The following RAB3IP variants were observed in gnomAD, a reference collection of about 807,000 sequenced individuals.
RAB3IP encodes the protein RAB3A interacting protein.
RAB3IP carries 36 observed loss-of-function variants against 59.1 expected under a neutral mutation model. The observed-to-expected ratio is 0.61, with a 90% CI of 0.47 to 0.80. RAB3IP has a LOEUF of 0.80. Among genes scored for constraint, RAB3IP ranks in the 30% least tolerant of loss-of-function variants. The pLI, the probability that RAB3IP is intolerant of heterozygous loss-of-function variation, is 0.00. For missense variants in RAB3IP, 511 were observed against 536.0 expected (o/e 0.95, Z 0.46); for synonymous variants, 207 against 191.2 (o/e 1.08, Z -0.68).
intron 3 of RAB3IP, among the ~76,000 whole-genome samples, chr12:69,784,357 A>C (rs1358044332): frequency 2.0e-5 from 3 of 151,854 alleles, no homozygotes; most frequent in African/African-American, 7.2e-5. Flanking sequence ...TGCATAATTA[A>C]ATTCCTTACT....
intron 3 of RAB3IP, among the ~76,000 whole-genome samples, chr12:69,756,925 C>T (rs1222853183): frequency 6.6e-6 from 1 of 152,146 alleles, no homozygotes; most frequent in South Asian, 2.1e-4. Flanking sequence ...CTCCCTGTCT[C>T]GTATTATCTG....
chr12:69,815,455 G>C lies in RAB3IP; in HGVS notation c.*9G>C. On this transcript the variant is annotated 3_prime_UTR_variant, in exon 11 of 11. Transcript: ENST00000247833. ...TCAAAGAGGAACTCTGATGCTCTGC[G>C]TGGGACCATGCCTGAACTCCCCGAA... 1 of 1,586,802 alleles carries C rather than the reference G, an allele frequency of 6.3e-7. No homozygotes were observed. Among genetic ancestry groups the C allele is most frequent in the Non-Finnish European group, 8.7e-7 (1 of 1,155,648 alleles).
At chr12:69,769,535 G>A (rs1469718978) in intron 3 of RAB3IP, among the ~76,000 whole-genome samples, 1 of 152,198 alleles carries the variant, frequency 6.6e-6, no homozygotes, top group African/African-American at 2.4e-5. Flanking sequence ...TATCTGGGGT[G>A]TCTTTTGTGA....
At chr12:69,738,629 C>G (rs1044776856), upstream of RAB3IP, 2 of 149,500 alleles carry the variant, frequency 1.3e-5, no homozygotes, top group Non-Finnish European at 3.0e-5. Context: ...CGAAACAGAG[C>G]GCAGCTCCGG....
chr12:69,806,547 ATG>A (rs1879308054), intron 8 of RAB3IP, among the ~76,000 whole-genome samples: 1 of 127,302 alleles, frequency 7.9e-6, no homozygotes, highest in South Asian at 2.7e-4. Flanking sequence ...TAGCTTTTGA[ATG>A]TGTTTGCTCT....
chr12:69,787,932 A>G (rs1026849546), intron 4 of RAB3IP, among the ~76,000 whole-genome samples: 3 of 152,192 alleles, frequency 2.0e-5, no homozygotes, highest in African/African-American at 7.2e-5. Context: ...TACATTGTAA[A>G]TACAAGTTTT....
chr12:69,807,127 C>T (rs560270892), intron 8 of RAB3IP, among the ~76,000 whole-genome samples: 54 of 152,090 alleles, frequency 3.6e-4, no homozygotes, highest in African/African-American at 5.1e-4. Flanking sequence ...CCAGACGGGG[C>T]GGCCGGGCAG....
rs780467628 is a variant in RAB3IP, at chr12:69,822,112, G to C, written c.*6666G>C. On this transcript the variant is annotated 3_prime_UTR_variant, in exon 11 of 11. Coordinates refer to ENST00000247833, the MANE Select transcript of RAB3IP (RefSeq NM_022456.5). ...CCGGTGGTCTCCAGGAGACTTGGCT[G>C]GGAGCTTCTCTTGGAGTCTAGGGTT... is the stretch of plus-strand genomic sequence containing the variant. The C allele has an allele frequency of 1.3e-5, 2 of 152,030 alleles. No individual in the cohort carries two copies. Among genetic ancestry groups the C allele is most frequent in the Non-Finnish European group, 2.9e-5 (2 of 68,012 alleles). The allele number at this position is 152,030 out of a possible 1,614,324, so 9.4% of individuals were successfully genotyped here.
Position 69,784,730 on chromosome 12 carries a change from TA to T in RAB3IP, c.525del (p.Asp176MetfsTer33). 6.2e-7 allele frequency: 1 copy of T among 1,601,062 alleles called. No homozygotes were observed. The highest frequency in any genetic ancestry group is 8.5e-7 in the Non-Finnish European group (1 of 1,172,050). On this transcript the variant is annotated frameshift_variant, in exon 4 of 11. Coordinates refer to ENST00000247833, the MANE Select transcript of RAB3IP (RefSeq NM_022456.5). LOFTEE classifies it high-confidence loss of function. ...ATCAATTTCTCTTAGGAACTGAAGTTAAAAGATGAAGAATGTGAGAGGCTTT... is the reference window on the plus strand; with the variant it reads ...ATCAATTTCTCTTAGGAACTGAAGTTAAAGATGAAGAATGTGAGAGGCTTT... The part of the protein sequence containing the change: ...ELAKAQRELK[L>X]KDEECERLSK...
chr12:69,782,910 G>A (rs906168708), intron 3 of RAB3IP, among the ~76,000 whole-genome samples: 1 of 151,938 alleles, frequency 6.6e-6, no homozygotes, highest in African/African-American at 2.4e-5. Context: ...TTATGACTTT[G>A]TGGTCGTACA....
intron 1 of RAB3IP, among the ~76,000 whole-genome samples, chr12:69,748,270 T>C (rs1592438033): frequency 6.6e-6 from 1 of 152,172 alleles, no homozygotes; most frequent in African/African-American, 2.4e-5. Flanking sequence ...ATTGAAAATA[T>C]TTTCCCATTA....
rs868401753 is a variant in RAB3IP, at chr12:69,807,990, C to T, written c.1131-4788C>T. ...TCTTTCAATTGTGATGTTAGGGTGT[C>T]AATTTTAGATCTTTCCTGCTTTCTC... On this transcript the variant is annotated intron_variant, in intron 8 of 10. Transcript: ENST00000247833. Among the ~76,000 whole-genome samples, 107 of 152,326 alleles carry T rather than the reference C, an allele frequency of 7.0e-4. No individual in the cohort carries two copies. In the Middle Eastern group the frequency reaches 0.014, roughly 20 times the overall value.
chr12:69,752,901 A>T (rs900721284), intron 1 of RAB3IP, among the ~76,000 whole-genome samples: 10 of 152,238 alleles, frequency 6.6e-5, no homozygotes, highest in Non-Finnish European at 1.0e-4. Flanking sequence ...ATATGTGGGT[A>T]TATGGATTAT....
At chr12:69,764,452 G>T (rs2136154269) in intron 3 of RAB3IP, among the ~76,000 whole-genome samples, 1 of 152,318 alleles carries the variant, frequency 6.6e-6, no homozygotes, top group East Asian at 1.9e-4. Flanking sequence ...TCAGATGGCT[G>T]TAGGTCCAGG....
At chr12:69,738,731 C>G (rs528167197), upstream of RAB3IP, 1 of 152,078 alleles carries the variant, frequency 6.6e-6, no homozygotes, top group East Asian at 1.9e-4. Context: ...CCAGGGGGCG[C>G]GGAAGCGCGT....
At position 69,800,271 on chromosome 12, in the gene RAB3IP, G is replaced by A. The variant is rs138194807; in HGVS notation, c.951G>A (p.Thr317=). 150 of 1,594,916 alleles carry A rather than the reference G, an allele frequency of 9.4e-5. 1 individual carries two copies. The African/African-American group carries it at 1.4e-3, about 15-fold the overall frequency. Residue 317 remains threonine, a synonymous_variant, in exon 7 of 11, where the codon ACG becomes ACA. Coordinates refer to ENST00000247833, the MANE Select transcript of RAB3IP (RefSeq NM_022456.5). ...AGGATGAGCCCACAATGGACAGGAC[G>A]TGTCCTTTCTTAGACAAAATCTACC... is the stretch of plus-strand genomic sequence containing the variant. ...LWKDEPTMDR[T]CPFLDKIYQE...
At chr12:69,752,857 A>G (rs1261079792) in intron 1 of RAB3IP, among the ~76,000 whole-genome samples, 1 of 152,226 alleles carries the variant, frequency 6.6e-6, no homozygotes, top group South Asian at 2.1e-4. Context: ...AGTGAAAATG[A>G]ATTATGTACT....
chr12:69,807,573 G>A (rs377154848), intron 8 of RAB3IP, among the ~76,000 whole-genome samples: 9 of 148,418 alleles, frequency 6.1e-5, no homozygotes, highest in African/African-American at 2.2e-4. Context: ...TCTCAGACAG[G>A]GCGGCCGGAC....
chr12:69,800,210 C>T lies in RAB3IP; in HGVS notation c.890C>T (p.Ala297Val). Reference protein sequence around the residue: ...IQPIVKDCKEADLSLYNEFRL... With the variant: ...IQPIVKDCKEVDLSLYNEFRL... ...TTGTGTTTTCCTTTGGTTTGTTAGGCTGACTTATCCTTGTATAATGAATTC... is the reference window on the plus strand; with the variant it reads ...TTGTGTTTTCCTTTGGTTTGTTAGGTTGACTTATCCTTGTATAATGAATTC... Residue 297 changes from alanine (A) to valine (V), a missense_variant and splice_region_variant, in exon 7 of 11, where the codon GCT becomes GTT. Physicochemically the swap from Ala to Val is moderately conservative, Grantham distance 64. Coordinates refer to ENST00000247833, the MANE Select transcript of RAB3IP (RefSeq NM_022456.5). The T allele has an allele frequency of 6.6e-7, 1 of 1,516,826 alleles. No individual in the cohort carries two copies. The highest frequency in any genetic ancestry group is 8.8e-7 in the Non-Finnish European group (1 of 1,138,210). The allele number at this position is 1,516,826 out of a possible 1,614,324, so 94.0% of individuals were successfully genotyped here. A position where few individuals can be genotyped will look rare whatever the true frequency, so the allele number is the denominator to read the frequency against.
Sources: allele counts gnomAD v4.1 joint callset (sites outside exome capture counted in the v4.1 genomes callset), GRCh38; gene constraint gnomAD v4.1.1; transcripts MANE v1.5; gene names NCBI Gene and HGNC (gene_info 2026-07-23, HGNC 2026-07-21).